PRICKLE1: variants seen among roughly 807,000 people sequenced by gnomAD.
The protein encoded by PRICKLE1 is prickle planar cell polarity protein 1, also known as prickle-like protein 1.
A neutral mutation model predicts 70.2 loss-of-function variants in PRICKLE1; 14 were observed. That is an observed-to-expected ratio of 0.20 (90% CI 0.13 to 0.31). PRICKLE1 has a LOEUF of 0.31. Ranked by LOEUF, PRICKLE1 falls within the 10% of genes least tolerant of loss-of-function variation. The pLI is 1.00. For missense variants in PRICKLE1, 821 were observed against 1,026.2 expected, an observed-to-expected ratio of 0.80 and a Z score of 2.73; for synonymous variants, 357 against 379.9, an observed-to-expected ratio of 0.94 and a Z score of 0.70.
intron 1 of PRICKLE1, among the ~76,000 whole-genome samples, chr12:42,520,226 C>T (rs570867986): frequency 6.6e-6 from 1 of 152,322 alleles, no homozygotes; most frequent in Middle Eastern, 3.4e-3. Context: ...GTAATCTCCA[C>T]TGGAGAACAG....
At chr12:42,537,234 A>G (rs1021608293) in intron 1 of PRICKLE1, among the ~76,000 whole-genome samples, 5 of 152,002 alleles carry the variant, frequency 3.3e-5, no homozygotes, top group African/African-American at 1.2e-4. Context: ...CAGTTCATCA[A>G]TGTAGCCTCA....
intron 1 of PRICKLE1, among the ~76,000 whole-genome samples, chr12:42,580,089 G>A (rs1304396181): frequency 6.6e-6 from 1 of 152,020 alleles, no homozygotes. Context: ...TGGCCAGGCT[G>A]GTCTCGAACT....
intron 1 of PRICKLE1, among the ~76,000 whole-genome samples, chr12:42,519,321 C>T (rs1360224461): frequency 6.6e-6 from 1 of 151,218 alleles, no homozygotes; most frequent in Admixed American, 6.6e-5. Context: ...CTCGGCCTCC[C>T]GAGTAGCTGG....
rs1938194374 is a variant in PRICKLE1 at position 42,468,662 on chromosome 12, T to C, written c.552A>G (p.Ala184=). ...DGKIHCGRHH[A]ELLKPRCSAC... ...CTGAGCACCGTGGTTTGAGCAGTTCTGCATGGTGCCTGCCACAGTGAATTT... is the reference window on the plus strand; with the variant it reads ...CTGAGCACCGTGGTTTGAGCAGTTCCGCATGGTGCCTGCCACAGTGAATTT... The change falls in exon 5 of 8, where the codon GCA becomes GCG. Residue 184 remains alanine, a synonymous_variant. Transcript: ENST00000345127. 1 of 1,614,132 alleles carries C rather than the reference T, an allele frequency of 6.2e-7. No individual in the cohort carries two copies. The highest frequency in any genetic ancestry group is 8.5e-7 in the Non-Finnish European group (1 of 1,179,994).
At chr12:42,520,908 C>T (rs577340333) in intron 1 of PRICKLE1, among the ~76,000 whole-genome samples, 34 of 152,254 alleles carry the variant, frequency 2.2e-4, no homozygotes, top group Non-Finnish European at 4.0e-4. Flanking sequence ...TGGTGGCTCA[C>T]GCCTATAATC....
Position 42,460,574 on chromosome 12 carries a change from C to T in PRICKLE1, c.1731G>A (p.Met577Ile). ...EEMETEDCEK[M>I]SNMGTLNSSM... ...AAGAGTTCAAAGTTCCCATATTGCT[C>T]ATCTTCTCACAATCTTCTGTTTCCA... Residue 577 changes from methionine (M) to isoleucine (I), a missense_variant, in exon 8 of 8, where the codon ATG becomes ATA. Transcript: ENST00000345127. 1.2e-6 allele frequency: 2 copies of T among 1,614,044 alleles called. No individual in the cohort carries two copies. The highest frequency in any genetic ancestry group is 1.1e-5 in the South Asian group (1 of 91,072).
At chr12:42,578,000 A>T (rs990662356) in intron 1 of PRICKLE1, among the ~76,000 whole-genome samples, 1 of 152,202 alleles carries the variant, frequency 6.6e-6, no homozygotes, top group African/African-American at 2.4e-5. Context: ...GTAAATTGGG[A>T]TAACCTTGGT....
chr12:42,465,124 T>G lies in PRICKLE1; in HGVS notation c.910A>C (p.Lys304Gln), dbSNP rs202205425. 6.4e-7 allele frequency: 1 copy of G among 1,574,570 alleles called. No homozygotes were observed. Among genetic ancestry groups the G allele is most frequent in the African/African-American group, 1.4e-5 (1 of 73,334 alleles). Reference protein sequence around the residue: ...LPKQGQIYCSKTCSLGEDVHA... With the variant: ...LPKQGQIYCSQTCSLGEDVHA... Reference sequence around the variant, plus strand: ...ACGTCTTCACCAAGACTGCACGTTTTTGAGCAGTAAATCTGACCCTGTTTG... The same window carrying G: ...ACGTCTTCACCAAGACTGCACGTTTGTGAGCAGTAAATCTGACCCTGTTTG... Residue 304 changes from lysine (K) to glutamine (Q), a missense_variant, in exon 7 of 8, where the codon AAA (lysine) becomes CAA (glutamine). Physicochemically the swap from Lys to Gln is moderately conservative, Grantham distance 53. Transcript: ENST00000345127.
intron 1 of PRICKLE1, among the ~76,000 whole-genome samples, chr12:42,566,973 T>C (rs1222911001): frequency 3.3e-5 from 5 of 152,190 alleles, no homozygotes; most frequent in Non-Finnish European, 4.4e-5. Flanking sequence ...AAATAAAACA[T>C]ATGAGGGGCA....
At chr12:42,577,828 C>A (rs1278903344) in intron 1 of PRICKLE1, among the ~76,000 whole-genome samples, 1 of 152,156 alleles carries the variant, frequency 6.6e-6, no homozygotes, top group Non-Finnish European at 1.5e-5. Flanking sequence ...TATCATCAAA[C>A]AATTTTGGGT....
chr12:42,466,430 T>C (rs747875148), intron 5 of PRICKLE1, 50 bp from the exon 6 acceptor site: 1 of 1,550,118 alleles, frequency 6.5e-7, no homozygotes, highest in Non-Finnish European at 8.9e-7. Context: ...CATTAGGAAC[T>C]ATTTTAAAGG....
chr12:42,495,628 T>C (rs1358519180), intron 1 of PRICKLE1, among the ~76,000 whole-genome samples: 1 of 151,996 alleles, frequency 6.6e-6, no homozygotes, highest in Non-Finnish European at 1.5e-5. Flanking sequence ...TCTCGCTCTG[T>C]CGCCAGGCTG....
rs952763937 is a variant in PRICKLE1 at position 42,464,296 on chromosome 12, T to C, written c.1639+99A>G. 6.3e-6 allele frequency: 9 copies of C among 1,427,032 alleles called. No individual in the cohort carries two copies. The highest frequency in any genetic ancestry group is 2.3e-5 in the South Asian group (2 of 86,594). The allele number at this position is 1,427,032 out of a possible 1,614,324, so 88.4% of individuals were successfully genotyped here. A position where few individuals can be genotyped will look rare whatever the true frequency, so the allele number is the denominator to read the frequency against. On this transcript the variant is annotated intron_variant, in intron 7 of 7. Coordinates refer to ENST00000345127, the MANE Select transcript of PRICKLE1 (RefSeq NM_153026.3). This position sits in a 1 kb window ranked among gnomAD's most constrained non-coding sequence, Gnocchi z 4.2. Reference sequence around the variant, plus strand: ...TCAGCCTCCCATAGTGCTGGAATTATAGGCATGAGCCACTGCGCCTGGCTT... The same window carrying C: ...TCAGCCTCCCATAGTGCTGGAATTACAGGCATGAGCCACTGCGCCTGGCTT...
chr12:42,557,794 C>T lies in PRICKLE1; in HGVS notation c.-49+31671G>A, dbSNP rs2120686019. On this transcript the variant is annotated intron_variant, in intron 1 of 7. Coordinates refer to ENST00000345127, the MANE Select transcript of PRICKLE1 (RefSeq NM_153026.3). ...TTTTATGTAACCATGCAGAGTTTTT[C>T]TCTCTCTCTGTGTAAAAGGCTCCTC... is the stretch of plus-strand genomic sequence containing the variant. Among the ~76,000 whole-genome samples the T allele has an allele frequency of 2.0e-5, 3 of 152,210 alleles. No homozygotes were observed. In the East Asian group the frequency reaches 5.8e-4, roughly 29 times the overall value.
chr12:42,556,309 C>T (rs902072483), intron 1 of PRICKLE1, among the ~76,000 whole-genome samples: 2 of 152,234 alleles, frequency 1.3e-5, no homozygotes, highest in Non-Finnish European at 2.9e-5. Flanking sequence ...GGCTCCTCCC[C>T]TTTGCCCCAT....
Position 42,549,922 on chromosome 12 carries a change from C to T in PRICKLE1, c.-49+39543G>A, listed in dbSNP as rs539860635. The stretch of plus-strand genomic sequence containing the variant: ...TGGGGGCCTCCCTGTCTTGCACACA[C>T]TCTTCCCTCTTTACTATACTAACAA... On this transcript the variant is annotated intron_variant, in intron 1 of 7. Coordinates refer to ENST00000345127, the MANE Select transcript of PRICKLE1 (RefSeq NM_153026.3). Among the ~76,000 whole-genome samples, 9 of 152,352 alleles carry T rather than the reference C, an allele frequency of 5.9e-5. No individual in the cohort carries two copies. In the South Asian group the frequency reaches 1.9e-3, roughly 32 times the overall value.
intron 3 of PRICKLE1, chr12:42,469,929 A>C: frequency 2.1e-6 from 1 of 487,754 alleles, no homozygotes; most frequent in Non-Finnish European, 3.7e-6. Flanking sequence ...ACTCAACTCA[A>C]CTGCAGGCCT....
chr12:42,472,863 A>T (rs545361640), intron 1 of PRICKLE1, among the ~76,000 whole-genome samples: 1 of 152,210 alleles, frequency 6.6e-6, no homozygotes, highest in African/African-American at 2.4e-5. Flanking sequence ...AAAAGTTCTC[A>T]AGAAAGTTGA....
rs1186515553 is a variant in PRICKLE1 at position 42,464,936 on chromosome 12, A to G, written c.1098T>C (p.Asn366=). 3.7e-6 allele frequency: 6 copies of G among 1,614,064 alleles called. No homozygotes were observed. The African/African-American group carries it at 5.3e-5, about 14-fold the overall frequency. Residue 366 remains asparagine (N), a synonymous_variant, in exon 7 of 8, where the codon AAT becomes AAC. Coordinates refer to ENST00000345127, the MANE Select transcript of PRICKLE1 (RefSeq NM_153026.3). This position sits in a 1 kb window ranked among gnomAD's most constrained non-coding sequence, Gnocchi z 4.2. ...LNYKFPGLSG[N]ADDTLSRKLD... Reference sequence around the variant, plus strand: ...ATTTTCGAGAAAGGGTGTCATCAGCATTGCCTGAGAGGCCAGGAAACTTGT... The same window carrying G: ...ATTTTCGAGAAAGGGTGTCATCAGCGTTGCCTGAGAGGCCAGGAAACTTGT...
Sources: allele counts gnomAD v4.1 joint callset (sites outside exome capture counted in the v4.1 genomes callset), GRCh38; gene constraint gnomAD v4.1.1; non-coding constraint Gnocchi (gnomAD v3.1); transcripts MANE v1.5; gene names NCBI Gene and HGNC (gene_info 2026-07-23, HGNC 2026-07-21).